Variants in SPECC1L observed in about 807,000 individuals in gnomAD.
SPECC1L encodes cytospin-A.
Under a neutral mutation model 116.8 loss-of-function variants are expected in SPECC1L, and 40 were observed. The ratio of observed to expected loss-of-function variants is 0.34; its 90% confidence interval spans 0.27 to 0.45. SPECC1L has a LOEUF of 0.45. SPECC1L is among the 20% of genes least tolerant of loss of function. SPECC1L has a pLI of 1.00. For missense variants in SPECC1L, 1,110 were observed against 1,373.6 expected, an observed-to-expected ratio of 0.81 and a Z score of 3.03; for synonymous variants, 504 against 500.6, an observed-to-expected ratio of 1.01 and a Z score of -0.09.
chr22:24,394,220 A>C (rs965312857), intron 14 of SPECC1L, among the ~76,000 whole-genome samples: 7 of 152,234 alleles, frequency 4.6e-5, no homozygotes, highest in African/African-American at 1.7e-4. Flanking sequence ...TGGGTGGCTT[A>C]TAAACAACAG....
chr22:24,349,089 G>A (rs988246715), intron 11 of SPECC1L, among the ~76,000 whole-genome samples: 1 of 151,644 alleles, frequency 6.6e-6, no homozygotes, highest in East Asian at 1.9e-4. Flanking sequence ...CGCCCAGGCT[G>A]TAGTGCAGTG....
chr22:24,302,135 A>G (rs137921415), intron 2 of SPECC1L, 60 bp from the exon 3 acceptor site: 6 of 1,322,326 alleles, frequency 4.5e-6, no homozygotes, highest in South Asian at 2.5e-5. Context: ...TTCGAAAACA[A>G]ATTTCTAAAG....
chr22:24,381,044 G>A (rs1196028433), intron 14 of SPECC1L, among the ~76,000 whole-genome samples: 9 of 152,124 alleles, frequency 5.9e-5, no homozygotes, highest in African/African-American at 9.6e-5. Context: ...TTTTTTAGCC[G>A]TTGTCTTTAG....
At chr22:24,367,850 C>T (rs986494512) in intron 13 of SPECC1L, among the ~76,000 whole-genome samples, 4 of 152,180 alleles carry the variant, frequency 2.6e-5, no homozygotes, top group Non-Finnish European at 5.9e-5. Context: ...GCTAAGTTCA[C>T]AGAACATGGG....
intron 14 of SPECC1L, among the ~76,000 whole-genome samples, chr22:24,375,532 AG>A (rs2041955022): frequency 6.6e-6 from 1 of 152,348 alleles, no homozygotes; most frequent in African/African-American, 2.4e-5. Flanking sequence ...ATTAGAATAA[AG>A]GGGAAAAAAC....
At chr22:24,371,927 G>A (rs563476343) in intron 14 of SPECC1L, among the ~76,000 whole-genome samples, 122 of 152,240 alleles carry the variant, frequency 8.0e-4, no homozygotes, top group African/African-American at 2.9e-3. Flanking sequence ...CGCCATGTTG[G>A]CCAGGCTGGT....
At position 24,313,389 on chromosome 22, in the gene SPECC1L, G is replaced by A; in HGVS notation, c.230G>A (p.Ser77Asn). ...ACTAATGGTGTTAAAGGAAAGAAAAGCACCTGCCCATCTGCAGCACCTTCA... is the reference window on the plus strand; with the variant it reads ...ACTAATGGTGTTAAAGGAAAGAAAAACACCTGCCCATCTGCAGCACCTTCA... The part of the protein sequence containing the change: ...TVTNGVKGKK[S>N]TCPSAAPSAS... The change falls in exon 4 of 17, where the codon AGC (serine) becomes AAC (asparagine). Residue 77 changes from serine (S) to asparagine (N), a missense_variant. This residue lies in a region of SPECC1L where 437 missense variants were observed against 482.6 expected (regional missense o/e 0.91). Transcript: ENST00000314328. 4 of 1,614,154 alleles carry A rather than the reference G, an allele frequency of 2.5e-6. No homozygotes were observed. Among genetic ancestry groups the A allele is most frequent in the Non-Finnish European group, 3.4e-6 (4 of 1,180,020 alleles).
chr22:24,292,424 A>G (rs2049172008), intron 2 of SPECC1L, among the ~76,000 whole-genome samples: 2 of 152,190 alleles, frequency 1.3e-5, no homozygotes, highest in South Asian at 2.1e-4. Flanking sequence ...GTGGGATATC[A>G]GGAGTTATGT....
At chr22:24,302,500 A>G (rs954840403) in intron 3 of SPECC1L, 116 bp downstream of exon 3, 3 of 1,386,384 alleles carry the variant, frequency 2.2e-6, no homozygotes, top group South Asian at 2.4e-5. Context: ...TGCTGGGAAC[A>G]CTTGGCCTTT....
intron 4 of SPECC1L, among the ~76,000 whole-genome samples, chr22:24,315,433 T>C (rs534409527): frequency 6.6e-6 from 1 of 152,410 alleles, no homozygotes; most frequent in East Asian, 1.9e-4. Flanking sequence ...AAATATTTAT[T>C]GGGGATCTGT....
intron 4 of SPECC1L, among the ~76,000 whole-genome samples, chr22:24,314,864 A>T (rs761829060): frequency 6.6e-6 from 1 of 152,172 alleles, no homozygotes; most frequent in African/African-American, 2.4e-5. Context: ...TCTTTAAATG[A>T]TGTTAGAAGC....
rs2040731900 is a variant in SPECC1L, at chr22:24,322,000, C to T, written c.1020C>T (p.Asn340=). The change falls in exon 5 of 17, where the codon AAC becomes AAT. Residue 340 remains asparagine, a synonymous_variant. Coordinates refer to ENST00000314328, the MANE Select transcript of SPECC1L (RefSeq NM_015330.6). ...CACTAATGGACCATCAGCACAGTAA[C>T]TCCATGGACAATTTAGACAGTGAGT... ...ENTLMDHQHS[N]SMDNLDSECS... is the part of the protein sequence containing the mutation. The T allele has an allele frequency of 3.7e-6, 6 of 1,614,208 alleles. No individual in the cohort carries two copies. The highest frequency in any genetic ancestry group is 5.1e-6 in the Non-Finnish European group (6 of 1,180,040).
At chr22:24,389,994 T>C (rs1269500734) in intron 14 of SPECC1L, among the ~76,000 whole-genome samples, 2 of 152,132 alleles carry the variant, frequency 1.3e-5, no homozygotes, top group Admixed American at 1.3e-4. Context: ...AGCACAAGTT[T>C]CTTCTGATTC....
intron 13 of SPECC1L, among the ~76,000 whole-genome samples, chr22:24,368,737 C>T (rs1450283732): frequency 6.6e-6 from 1 of 152,198 alleles, no homozygotes. Context: ...ACCTCCATCT[C>T]TAGGGTTCAA....
rs1002263194 is a variant in SPECC1L at position 24,329,009 on chromosome 22, G to C, written c.2220+90G>C. On this transcript the variant is annotated intron_variant, in intron 7 of 16. Transcript: ENST00000314328. The stretch of plus-strand genomic sequence containing the variant: ...TTGACCATGTTATCATTCATCTTAA[G>C]TTTTGGATACAGTGATAATACTGGC... 11 of 999,272 alleles carry C rather than the reference G, an allele frequency of 1.1e-5. No homozygotes were observed. In the African/African-American group the frequency reaches 1.6e-4, roughly 15 times the overall value. The allele number at this position is 999,272 out of a possible 1,614,324, so 61.9% of individuals were successfully genotyped here.
intron 10 of SPECC1L, among the ~76,000 whole-genome samples, chr22:24,341,768 G>A (rs1214684268): frequency 6.6e-6 from 1 of 152,198 alleles, no homozygotes; most frequent in Non-Finnish European, 1.5e-5. Flanking sequence ...CTTTGCTTCT[G>A]CCTTGAATGT....
intron 12 of SPECC1L, among the ~76,000 whole-genome samples, chr22:24,364,756 G>A (rs2041719188): frequency 6.6e-6 from 1 of 151,726 alleles, no homozygotes; most frequent in Non-Finnish European, 1.5e-5. Flanking sequence ...CAGTGTTTTT[G>A]GCTGAATTTA....
chr22:24,305,534 C>A (rs1320138258), intron 3 of SPECC1L, among the ~76,000 whole-genome samples: 1 of 152,060 alleles, frequency 6.6e-6, no homozygotes, highest in Non-Finnish European at 1.5e-5. Context: ...GATGAATATA[C>A]CACAGTTTGT....
chr22:24,365,491 G>A lies in SPECC1L; in HGVS notation c.2843G>A (p.Ser948Asn). The stretch of plus-strand genomic sequence containing the variant: ...TTTCTCACAGTGTCTCGACGAAGTA[G>A]TGAAGAAGTGAAACGGGACATTTCT... ...AKTLSVSRRS[S>N]EEVKRDISAQ... Residue 948 changes from serine (S) to asparagine (N), a missense_variant, in exon 13 of 17, where the codon AGT becomes AAT. Ser to Asn is a conservative substitution (Grantham distance 46). Transcript: ENST00000314328. 6.2e-7 allele frequency: 1 copy of A among 1,614,128 alleles called. No individual in the cohort carries two copies. Among genetic ancestry groups the A allele is most frequent in the Non-Finnish European group, 8.5e-7 (1 of 1,180,020 alleles).
Sources: allele counts gnomAD v4.1 joint callset (sites outside exome capture counted in the v4.1 genomes callset), GRCh38; gene constraint gnomAD v4.1.1; regional missense constraint gnomAD v4.1.1; transcripts MANE v1.5; gene names NCBI Gene and HGNC (gene_info 2026-07-23, HGNC 2026-07-21).